Variants in CUEDC1 observed in about 807,000 individuals in gnomAD.
The protein encoded by CUEDC1 is CUE domain containing 1.
Under a neutral mutation model 43.7 loss-of-function variants are expected in CUEDC1, and 30 were observed. The ratio of observed to expected loss-of-function variants is 0.69; its 90% confidence interval spans 0.51 to 0.93. CUEDC1 has a LOEUF of 0.93. Among genes scored for constraint, CUEDC1 ranks in the 40% least tolerant of loss-of-function variants. The probability of loss-of-function intolerance (pLI) is 0.00; values close to 1 mark genes in which losing one functional copy is unlikely to be tolerated. For synonymous variants in CUEDC1, 223 were observed against 223.6 expected (o/e 1.00, Z 0.02); for missense variants, 486 against 549.0 (o/e 0.89, Z 1.15).
intron 1 of CUEDC1, among the ~76,000 whole-genome samples, chr17:57,926,804 T>A (rs1320342288): frequency 6.6e-6 from 1 of 152,104 alleles, no homozygotes; most frequent in Non-Finnish European, 1.5e-5. Flanking sequence ...TTCAAACCAC[T>A]CATGTATCCA....
chr17:57,871,269 C>A lies in CUEDC1; in HGVS notation c.868+17G>T. 6.2e-7 allele frequency: 1 copy of A among 1,606,526 alleles called. No homozygotes were observed. The highest frequency in any genetic ancestry group is 8.5e-7 in the Non-Finnish European group (1 of 1,173,124). ...CCACTATGCCTCTAGGTTTTCTTCC[C>A]CAGAAGGCAAAGTTACCTGGGACAG... On this transcript the variant is annotated intron_variant, in intron 6 of 10. Transcript: ENST00000577830.
chr17:57,890,491 C>T (rs894074332), intron 1 of CUEDC1, among the ~76,000 whole-genome samples: 1 of 152,202 alleles, frequency 6.6e-6, no homozygotes, highest in African/African-American at 2.4e-5. Context: ...GCTCATCAGA[C>T]CTCTCGGAGG....
At chr17:57,944,371 C>T (rs1043297179) in intron 1 of CUEDC1, among the ~76,000 whole-genome samples, 4 of 151,852 alleles carry the variant, frequency 2.6e-5, no homozygotes, top group African/African-American at 7.3e-5. Context: ...CCACCACGCC[C>T]GGCTAATTTT....
intron 1 of CUEDC1, among the ~76,000 whole-genome samples, chr17:57,886,489 T>G (rs2074292075): frequency 6.6e-6 from 1 of 152,162 alleles, no homozygotes. Flanking sequence ...CACCGGGAGC[T>G]TCCAGCCTGA....
rs140138046 is a variant in CUEDC1, at chr17:57,943,664, G to A, written c.-316+11561C>T. On this transcript the variant is annotated intron_variant, in intron 1 of 10. Coordinates refer to ENST00000577830, the MANE Select transcript of CUEDC1 (RefSeq NM_001271875.2). ...ATGGGATAGGAGGGGAAAGAGTCAC[G>A]TGGCTCTTAAATCCACATACATGCA... 2.1e-4 allele frequency among the ~76,000 whole-genome samples: 32 copies of A among 152,126 alleles called. No individual in the cohort carries two copies. In the East Asian group the frequency reaches 6.2e-3, roughly 29 times the overall value.
intron 1 of CUEDC1, among the ~76,000 whole-genome samples, chr17:57,901,049 A>T (rs2074466266): frequency 6.6e-6 from 1 of 152,156 alleles, no homozygotes; most frequent in African/African-American, 2.4e-5. Flanking sequence ...CTTTCTAACA[A>T]GCTCCCTGGG....
intron 3 of CUEDC1, among the ~76,000 whole-genome samples, chr17:57,877,447 T>C (rs996397288): frequency 6.6e-6 from 1 of 151,874 alleles, no homozygotes; most frequent in Non-Finnish European, 1.5e-5. Context: ...ATGGGCAACA[T>C]AGTGAGACCC....
At chr17:57,945,920 G>A (rs539137582) in intron 1 of CUEDC1, among the ~76,000 whole-genome samples, 6 of 152,034 alleles carry the variant, frequency 3.9e-5, no homozygotes, top group Non-Finnish European at 8.8e-5. Context: ...AGCTACTCAG[G>A]AGGCTGAGAC....
At chr17:57,867,789 C>T (rs1179463400) in intron 8 of CUEDC1, among the ~76,000 whole-genome samples, 1 of 152,166 alleles carries the variant, frequency 6.6e-6, no homozygotes, top group African/African-American at 2.4e-5. Context: ...GTGAGGAGGA[C>T]TCGTGCACCA....
intron 10 of CUEDC1, among the ~76,000 whole-genome samples, chr17:57,865,009 A>G (rs989041378): frequency 6.6e-6 from 1 of 152,190 alleles, no homozygotes; most frequent in Non-Finnish European, 1.5e-5. Context: ...ATGAGCCAAG[A>G]TTGTGCCACT....
chr17:57,947,164 A>G (rs2074967382), intron 1 of CUEDC1, among the ~76,000 whole-genome samples: 1 of 150,882 alleles, frequency 6.6e-6, no homozygotes, highest in Admixed American at 6.6e-5. Context: ...AAAAAAAAAA[A>G]GCTTTGCAGT....
At chr17:57,944,369 C>T (rs1020821675) in intron 1 of CUEDC1, among the ~76,000 whole-genome samples, 1 of 151,942 alleles carries the variant, frequency 6.6e-6, no homozygotes, top group Non-Finnish European at 1.5e-5. Context: ...CGCCACCACG[C>T]CCGGCTAATT....
At position 57,897,563 on chromosome 17, in the gene CUEDC1, G is replaced by A. The variant is rs561154843; in HGVS notation, c.-315-11684C>T. ...CAGGCACCTGTAGTCCCAGCTACTC[G>A]TGAGGCTGAGGCAGGAGAATGGTGT... On this transcript the variant is annotated intron_variant, in intron 1 of 10. Coordinates refer to ENST00000577830, the MANE Select transcript of CUEDC1 (RefSeq NM_001271875.2). Among the ~76,000 whole-genome samples, 105 of 151,090 alleles carry A rather than the reference G, an allele frequency of 6.9e-4. No homozygotes were observed. The South Asian group carries it at 0.014, about 20-fold the overall frequency.
intron 1 of CUEDC1, among the ~76,000 whole-genome samples, chr17:57,945,315 T>A (rs1177021351): frequency 6.6e-6 from 1 of 152,190 alleles, no homozygotes; most frequent in Non-Finnish European, 1.5e-5. Flanking sequence ...AGGCAACCAA[T>A]CTAGCATTCA....
At chr17:57,893,660 G>A (rs550882135) in intron 1 of CUEDC1, among the ~76,000 whole-genome samples, 3 of 152,346 alleles carry the variant, frequency 2.0e-5, no homozygotes, top group Admixed American at 1.3e-4. Flanking sequence ...GAGGACCCTC[G>A]GGCACAGCCA....
At chr17:57,916,697 C>A (rs2074645404) in intron 1 of CUEDC1, among the ~76,000 whole-genome samples, 1 of 152,164 alleles carries the variant, frequency 6.6e-6, no homozygotes, top group African/African-American at 2.4e-5. Context: ...GCCTCGCCCA[C>A]CCCCAGGCTC....
At chr17:57,924,306 A>C (rs1022967464) in intron 1 of CUEDC1, among the ~76,000 whole-genome samples, 1 of 152,090 alleles carries the variant, frequency 6.6e-6, no homozygotes, top group African/African-American at 2.4e-5. Flanking sequence ...GGGTTTCACC[A>C]TGTTGGCCAG....
At chr17:57,907,035 T>G (rs112634623) in intron 1 of CUEDC1, among the ~76,000 whole-genome samples, 149 of 149,026 alleles carry the variant, frequency 1.0e-3, no homozygotes, top group African/African-American at 3.3e-3. Context: ...GGGGCACTAC[T>G]CGGGCTATTT....
At chr17:57,912,182 G>A (rs2074590576) in intron 1 of CUEDC1, among the ~76,000 whole-genome samples, 1 of 152,194 alleles carries the variant, frequency 6.6e-6, no homozygotes, top group South Asian at 2.1e-4. Context: ...AGTTGCAGGT[G>A]CTGGTGCCTG....
Sources: gnomAD v4.1 joint callset for allele counts (sites outside exome capture counted in the v4.1 genomes callset) on GRCh38, gnomAD v4.1.1 for gene constraint, MANE v1.5 for transcripts, NCBI Gene and HGNC (gene_info 2026-07-23, HGNC 2026-07-21) for gene names.